The following SPOCK1 variants were observed in gnomAD, a reference collection of about 807,000 sequenced individuals.
SPOCK1 encodes testican-1.
In SPOCK1, 23 loss-of-function variants were observed where a neutral mutation model predicts 55.3. The ratio of observed to expected loss-of-function variants is 0.42; its 90% confidence interval spans 0.30 to 0.59. The LOEUF is 0.59. Among genes scored for constraint, SPOCK1 ranks in the 20% least tolerant of loss-of-function variants. The pLI is 0.22. For synonymous variants in SPOCK1, 226 were observed against 221.0 expected, an observed-to-expected ratio of 1.02 and a Z score of -0.20; for missense variants, 499 against 552.5, an observed-to-expected ratio of 0.90 and a Z score of 0.97.
chr5:137,002,837 A>C (rs1327675998), intron 6 of SPOCK1, among the ~76,000 whole-genome samples: 3 of 152,176 alleles, frequency 2.0e-5, no homozygotes, highest in Non-Finnish European at 4.4e-5. Context: ...ATAATGCCTA[A>C]TTCCTTCATG....
intron 2 of SPOCK1, among the ~76,000 whole-genome samples, chr5:137,374,456 T>G (rs1292617961): frequency 3.9e-5 from 6 of 152,156 alleles, no homozygotes; most frequent in Non-Finnish European, 8.8e-5. Context: ...GCCATTCCCA[T>G]GATGAGCGAT....
At chr5:137,105,433 C>T (rs1268206859) in intron 5 of SPOCK1, among the ~76,000 whole-genome samples, 2 of 152,300 alleles carry the variant, frequency 1.3e-5, no homozygotes, top group East Asian at 3.9e-4. Context: ...ACCTCCTATG[C>T]CTGACATGGT....
At chr5:137,413,104 T>C (rs1444486421) in intron 2 of SPOCK1, among the ~76,000 whole-genome samples, 7 of 152,216 alleles carry the variant, frequency 4.6e-5, no homozygotes, top group African/African-American at 1.4e-4. Context: ...TTTAGTTCTC[T>C]ATGAGGTAAA....
chr5:137,027,812 A>G (rs1224213914), intron 6 of SPOCK1, among the ~76,000 whole-genome samples: 1 of 152,086 alleles, frequency 6.6e-6, no homozygotes, highest in Non-Finnish European at 1.5e-5. Flanking sequence ...TCTCTCTTGC[A>G]CAAAAGCAGG....
At chr5:137,180,592 CA>C (rs1433586717) in intron 3 of SPOCK1, among the ~76,000 whole-genome samples, 1 of 152,140 alleles carries the variant, frequency 6.6e-6, no homozygotes, top group Non-Finnish European at 1.5e-5. Flanking sequence ...TGACCTGTAC[CA>C]GGGGGTCGTT....
At chr5:137,124,983 G>A (rs1753760051) in intron 4 of SPOCK1, among the ~76,000 whole-genome samples, 1 of 152,204 alleles carries the variant, frequency 6.6e-6, no homozygotes, top group Non-Finnish European at 1.5e-5. Context: ...GAGTTTCATA[G>A]ACACATTCTG....
intron 6 of SPOCK1, among the ~76,000 whole-genome samples, chr5:137,033,329 G>C (rs902097163): frequency 1.4e-4 from 21 of 152,216 alleles, no homozygotes; most frequent in Non-Finnish European, 2.8e-4. Context: ...CTCTGAACAT[G>C]CTACGTGCCT....
intron 2 of SPOCK1, among the ~76,000 whole-genome samples, chr5:137,472,945 G>T (rs925197344): frequency 6.6e-6 from 1 of 152,144 alleles, no homozygotes; most frequent in Non-Finnish European, 1.5e-5. Flanking sequence ...AAGCCCAAAT[G>T]CTTCATCACA....
chr5:137,417,035 T>A (rs1277674695), intron 2 of SPOCK1, among the ~76,000 whole-genome samples: 2 of 152,138 alleles, frequency 1.3e-5, no homozygotes, highest in Non-Finnish European at 1.5e-5. Flanking sequence ...AAGTCCTTTG[T>A]CATACATATA....
intron 2 of SPOCK1, among the ~76,000 whole-genome samples, chr5:137,302,338 G>A (rs1441725847): frequency 6.6e-6 from 1 of 151,946 alleles, no homozygotes; most frequent in East Asian, 1.9e-4. Flanking sequence ...GGGAGGCCAA[G>A]GCGGGCAGAT....
intron 6 of SPOCK1, among the ~76,000 whole-genome samples, chr5:136,999,777 A>T (rs1751113741): frequency 6.6e-6 from 1 of 152,224 alleles, no homozygotes; most frequent in Admixed American, 6.5e-5. Flanking sequence ...AGTGTGAGTG[A>T]GCGTGTCTCT....
At chr5:136,996,633 T>A (rs934721132) in intron 6 of SPOCK1, among the ~76,000 whole-genome samples, 1 of 152,134 alleles carries the variant, frequency 6.6e-6, no homozygotes, top group African/African-American at 2.4e-5. Flanking sequence ...GAGTGGGGAC[T>A]CAGAGAACTT....
chr5:137,242,256 T>G (rs1177491549), intron 3 of SPOCK1, among the ~76,000 whole-genome samples: 3 of 152,098 alleles, frequency 2.0e-5, no homozygotes, highest in African/African-American at 7.2e-5. Context: ...GCTCCCATAA[T>G]CCCCAGGTCA....
chr5:137,031,075 AT>A (rs993049096), intron 6 of SPOCK1, among the ~76,000 whole-genome samples: 2 of 152,142 alleles, frequency 1.3e-5, no homozygotes, highest in Admixed American at 6.6e-5. Context: ...ATATTTTGTA[AT>A]TTTTTTAAAT....
At chr5:137,035,773 C>T (rs1561586566) in intron 6 of SPOCK1, among the ~76,000 whole-genome samples, 1 of 152,186 alleles carries the variant, frequency 6.6e-6, no homozygotes, top group East Asian at 1.9e-4. Context: ...CCTCACCCCA[C>T]GGTGCCCAGG....
intron 2 of SPOCK1, among the ~76,000 whole-genome samples, chr5:137,272,122 T>C (rs2961647): frequency 2.5e-4 from 38 of 152,126 alleles, no homozygotes; most frequent in Non-Finnish European, 4.1e-4. Context: ...AGATCAGAAC[T>C]GAGTTTGTAG....
At chr5:137,379,300 C>T (rs1751406018) in intron 2 of SPOCK1, among the ~76,000 whole-genome samples, 2 of 151,564 alleles carry the variant, frequency 1.3e-5, no homozygotes, top group Non-Finnish European at 2.9e-5. Flanking sequence ...CTTTCCATCA[C>T]AGAAAAGACA....
chr5:137,326,324 C>A (rs915499406), intron 2 of SPOCK1, among the ~76,000 whole-genome samples: 1 of 152,062 alleles, frequency 6.6e-6, no homozygotes, highest in Non-Finnish European at 1.5e-5. Flanking sequence ...AGAAATCAGG[C>A]CAAAGGCATT....
chr5:136,978,546 GC>G lies in SPOCK1; in HGVS notation c.*107del, dbSNP rs1440308946. 1 of 1,249,698 alleles carries G rather than the reference GC, an allele frequency of 8.0e-7. No individual in the cohort carries two copies. The highest frequency in any genetic ancestry group is 1.1e-6 in the Non-Finnish European group (1 of 903,646). 77.4% of individuals were successfully genotyped at this position (1,249,698 alleles called of 1,614,324 possible). On this transcript the variant is annotated 3_prime_UTR_variant, in exon 11 of 11. Coordinates refer to ENST00000394945, the MANE Select transcript of SPOCK1 (RefSeq NM_004598.4). ...CCAAACCTTAGGTCGGGTATAGAGA[GC>G]AACAATGGAGAAGAGACCTTGGTGC... is the stretch of plus-strand genomic sequence containing the variant.
Sources: gnomAD v4.1 joint callset for allele counts (sites outside exome capture counted in the v4.1 genomes callset) on GRCh38, gnomAD v4.1.1 for gene constraint, MANE v1.5 for transcripts, NCBI Gene and HGNC (gene_info 2026-07-23, HGNC 2026-07-21) for gene names.